The following PTPRT variants were observed in gnomAD, a reference collection of about 807,000 sequenced individuals.
PTPRT encodes the protein protein tyrosine phosphatase receptor type T, also known as receptor-type tyrosine-protein phosphatase T.
In PTPRT, 56 loss-of-function variants were observed where a neutral mutation model predicts 176.8. The observed-to-expected ratio is 0.32, with a 90% confidence interval of 0.26 to 0.40. The LOEUF is 0.40. PTPRT is among the 10% of genes least tolerant of loss of function. The pLI, the probability that PTPRT is intolerant of heterozygous loss-of-function variation, is 1.00. For synonymous variants in PTPRT, 783 were observed against 739.0 expected, an observed-to-expected ratio of 1.06 and a Z score of -0.96; for missense variants, 1,540 against 1,908.2, an observed-to-expected ratio of 0.81 and a Z score of 3.60.
chr20:42,090,224 A>T (rs1257400019), intron 27 of PTPRT, among the ~76,000 whole-genome samples: 1 of 146,830 alleles, frequency 6.8e-6, no homozygotes, highest in African/African-American at 2.5e-5. Context: ...TCAAACCAAG[A>T]TGGATAAATA....
At chr20:42,809,859 A>C (rs1389247036) in intron 2 of PTPRT, among the ~76,000 whole-genome samples, 1 of 151,986 alleles carries the variant, frequency 6.6e-6, no homozygotes, top group African/African-American at 2.4e-5. Flanking sequence ...TCTTTTTTCT[A>C]CATAAGGTCA....
intron 27 of PTPRT, among the ~76,000 whole-genome samples, chr20:42,089,998 G>A (rs542066774): frequency 4.8e-4 from 73 of 152,260 alleles, no homozygotes; most frequent in African/African-American, 1.6e-3. Context: ...GTAGCAAAAG[G>A]TGCGAAAATG....
At chr20:42,063,307 A>T in the PTPRT span, among the ~76,000 whole-genome samples, 1 of 152,082 alleles carries the variant, frequency 6.6e-6, no homozygotes, top group African/African-American at 2.4e-5. Context: ...CTCTCTGAGG[A>T]TCTTTTAGCT....
intron 1 of PTPRT, among the ~76,000 whole-genome samples, chr20:43,149,850 C>T (rs1315076414): frequency 6.6e-6 from 1 of 152,162 alleles, no homozygotes; most frequent in Non-Finnish European, 1.5e-5. Context: ...TCTAAGTCTC[C>T]CTTTTTGGAA....
rs1351197002 is a variant in PTPRT, at chr20:42,573,785, G to A, written c.1154-101223C>T. 2.5e-5 allele frequency among the ~76,000 whole-genome samples: 3 copies of A among 120,040 alleles called. No individual in the cohort carries two copies. The East Asian group carries it at 8.1e-4, about 32-fold the overall frequency. 78.8% of individuals were successfully genotyped at this position (120,040 alleles called of 152,430 possible). A position where few individuals can be genotyped will look rare whatever the true frequency, so the allele number is the denominator to read the frequency against. On this transcript the variant is annotated intron_variant, in intron 7 of 30. Coordinates refer to ENST00000373187, the MANE Select transcript of PTPRT (RefSeq NM_007050.6). ...TTTTTTTGAGATGGAGTCTCACTCT[G>A]TCACCCAGGCTGGAGTGCAGTGGCG...
intron 23 of PTPRT, among the ~76,000 whole-genome samples, chr20:42,109,362 T>C (rs1986813575): frequency 1.3e-5 from 2 of 152,072 alleles, no homozygotes; most frequent in African/African-American, 4.8e-5. Flanking sequence ...AGCCTTCAGG[T>C]CAGGAAGGCC....
chr20:42,172,270 GA>G (rs199621568), intron 16 of PTPRT, among the ~76,000 whole-genome samples: 19 of 151,712 alleles, frequency 1.3e-4, no homozygotes, highest in Non-Finnish European at 7.4e-5. Flanking sequence ...CAGAGGAGCT[GA>G]AAAAAAACAG....
intron 9 of PTPRT, among the ~76,000 whole-genome samples, chr20:42,363,537 T>C (rs1212512500): frequency 1.3e-5 from 2 of 151,514 alleles, no homozygotes; most frequent in African/African-American, 4.9e-5. Context: ...TTCAAACTCC[T>C]GACCTCAGGT....
chr20:42,506,345 A>G (rs1171683668), intron 7 of PTPRT, among the ~76,000 whole-genome samples: 3 of 152,158 alleles, frequency 2.0e-5, no homozygotes, highest in Non-Finnish European at 2.9e-5. Flanking sequence ...TCTCATCCAC[A>G]CACTTCAATA....
intron 8 of PTPRT, among the ~76,000 whole-genome samples, chr20:42,456,650 T>G (rs2070930435): frequency 6.6e-6 from 1 of 152,118 alleles, no homozygotes; most frequent in Non-Finnish European, 1.5e-5. Flanking sequence ...CTGTAGCAAA[T>G]TACACAAACA....
At chr20:43,158,860 C>T (rs1321365041) in intron 1 of PTPRT, among the ~76,000 whole-genome samples, 2 of 152,204 alleles carry the variant, frequency 1.3e-5, no homozygotes, top group Admixed American at 1.3e-4. Context: ...TCTCTGTGCT[C>T]AGCTCTCTCA....
At chr20:42,527,696 T>C (rs1334478864) in intron 7 of PTPRT, among the ~76,000 whole-genome samples, 1 of 152,202 alleles carries the variant, frequency 6.6e-6, no homozygotes, top group Non-Finnish European at 1.5e-5. Flanking sequence ...GTTGGAGGCT[T>C]TTCACAAGCC....
At chr20:42,854,588 T>G (rs141041297) in intron 2 of PTPRT, among the ~76,000 whole-genome samples, 15 of 152,370 alleles carry the variant, frequency 9.8e-5, no homozygotes, top group Non-Finnish European at 1.0e-4. Flanking sequence ...ACCAGTCAGA[T>G]GATCACATCT....
At chr20:42,740,228 A>G (rs1203813619) in intron 6 of PTPRT, among the ~76,000 whole-genome samples, 4 of 152,204 alleles carry the variant, frequency 2.6e-5, no homozygotes, top group Non-Finnish European at 5.9e-5. Flanking sequence ...AATAGTGCCA[A>G]TGAGGAACAA....
At chr20:42,390,730 T>A (rs531078924) in intron 9 of PTPRT, among the ~76,000 whole-genome samples, 6 of 152,306 alleles carry the variant, frequency 3.9e-5, no homozygotes, top group South Asian at 2.1e-4. Context: ...ACATCTCAAC[T>A]GCAACTTTAA....
At chr20:42,250,491 A>G (rs1984399) in intron 13 of PTPRT, among the ~76,000 whole-genome samples, 72,383 of 151,822 alleles carry the variant, frequency 0.48, 19,166 homozygotes, top group Non-Finnish European at 0.58. Flanking sequence ...ACATTGATGC[A>G]CCCCCTTTTT....
At chr20:43,015,537 T>C (rs1985325970) in intron 1 of PTPRT, among the ~76,000 whole-genome samples, 1 of 152,184 alleles carries the variant, frequency 6.6e-6, no homozygotes. Flanking sequence ...AAGGGGACAC[T>C]TGGGAACGGG....
intron 19 of PTPRT, among the ~76,000 whole-genome samples, chr20:42,121,517 G>T (rs536380194): frequency 6.6e-6 from 1 of 152,180 alleles, no homozygotes; most frequent in East Asian, 1.9e-4. Context: ...GTGGTTATGC[G>T]TACCATGGAC....
intron 2 of PTPRT, among the ~76,000 whole-genome samples, chr20:42,821,151 G>A (rs1461523850): frequency 6.6e-6 from 1 of 152,094 alleles, no homozygotes; most frequent in Non-Finnish European, 1.5e-5. Flanking sequence ...ACATCAATGT[G>A]AAAATCCTCA....
Sources: gnomAD v4.1 joint callset for allele counts (sites outside exome capture counted in the v4.1 genomes callset) on GRCh38, gnomAD v4.1.1 for gene constraint, MANE v1.5 for transcripts, NCBI Gene and HGNC (gene_info 2026-07-23, HGNC 2026-07-21) for gene names.